Variants in GAB2 observed in about 807,000 individuals in gnomAD.
The protein encoded by GAB2 is GRB2-associated-binding protein 2.
GAB2 carries 26 observed loss-of-function variants against 65.5 expected under a neutral mutation model. That is an observed-to-expected ratio of 0.40 (90% CI 0.29 to 0.55). The LOEUF is 0.55. Ranked by LOEUF, GAB2 falls within the 20% of genes least tolerant of loss-of-function variation. The probability of loss-of-function intolerance (pLI) is 0.53; values close to 1 mark genes in which losing one functional copy is unlikely to be tolerated. For synonymous variants in GAB2, 321 were observed against 329.6 expected, an observed-to-expected ratio of 0.97 and a Z score of 0.28; for missense variants, 884 against 875.8, an observed-to-expected ratio of 1.01 and a Z score of -0.12.
chr11:78,309,218 G>A (rs1855435917), intron 1 of GAB2, among the ~76,000 whole-genome samples: 1 of 152,088 alleles, frequency 6.6e-6, no homozygotes, highest in Non-Finnish European at 1.5e-5. Flanking sequence ...GCAGACTCAA[G>A]CAATTAAAAA....
At chr11:78,273,697 G>T (rs1866082382) in intron 2 of GAB2, among the ~76,000 whole-genome samples, 1 of 152,220 alleles carries the variant, frequency 6.6e-6, no homozygotes, top group African/African-American at 2.4e-5. Context: ...GTTTTAAAAT[G>T]TGATGACATG....
At chr11:78,401,596 A>G (rs981611676) in intron 1 of GAB2, among the ~76,000 whole-genome samples, 1 of 147,396 alleles carries the variant, frequency 6.8e-6, no homozygotes, top group African/African-American at 2.5e-5. Flanking sequence ...TCTCTGTTGT[A>G]GCATGTCCAT....
At chr11:78,314,395 C>T (rs546446688) in intron 1 of GAB2, among the ~76,000 whole-genome samples, 6 of 152,318 alleles carry the variant, frequency 3.9e-5, no homozygotes, top group South Asian at 4.1e-4. Context: ...AGGAAGTAGA[C>T]GCTATTATCC....
rs574387196 is a variant in GAB2 at position 78,250,149 on chromosome 11, C to T, written c.620+8G>A. 2 of 1,611,918 alleles carry T rather than the reference C, an allele frequency of 1.2e-6. No homozygotes were observed. The highest frequency in any genetic ancestry group is 4.5e-5 in the East Asian group (2 of 44,830). ...CTAACCCACCTAATGGCTGTGGCAG[C>T]CTCCTACCTTGCATTTTCTGCTCTT... On this transcript the variant is annotated splice_region_variant and intron_variant, in intron 3 of 9. Transcript: ENST00000361507.
At chr11:78,265,530 G>T (rs764834508) in intron 2 of GAB2, among the ~76,000 whole-genome samples, 1 of 152,082 alleles carries the variant, frequency 6.6e-6, no homozygotes, top group East Asian at 1.9e-4. Context: ...TAGCCATGAA[G>T]AATTTTGTTC....
intron 1 of GAB2, among the ~76,000 whole-genome samples, chr11:78,374,471 G>T (rs1456368746): frequency 6.6e-6 from 1 of 152,028 alleles, no homozygotes. Context: ...GAAGTCCCGG[G>T]GTCTAGTCCT....
chr11:78,375,029 G>A (rs1053341403), intron 1 of GAB2, among the ~76,000 whole-genome samples: 3 of 152,158 alleles, frequency 2.0e-5, no homozygotes, highest in Non-Finnish European at 2.9e-5. Context: ...TGCAATCTTT[G>A]TATATTTCGT....
At chr11:78,304,727 C>G (rs572146588) in intron 1 of GAB2, among the ~76,000 whole-genome samples, 174 of 152,250 alleles carry the variant, frequency 1.1e-3, no homozygotes, top group African/African-American at 3.9e-3. Context: ...GTATTGTTTT[C>G]TTTGTATAAT....
At chr11:78,222,978 T>C (rs900114816) in intron 6 of GAB2, among the ~76,000 whole-genome samples, 1 of 152,156 alleles carries the variant, frequency 6.6e-6, no homozygotes, top group Non-Finnish European at 1.5e-5. Flanking sequence ...TGGAGGAAGG[T>C]AGATGCCATA....
At chr11:78,325,027 C>T (rs1025295634) in intron 1 of GAB2, among the ~76,000 whole-genome samples, 2 of 152,172 alleles carry the variant, frequency 1.3e-5, no homozygotes, top group Non-Finnish European at 2.9e-5. Context: ...TGGGAATTGG[C>T]AAACGATGCA....
chr11:78,396,271 C>T (rs530498188), intron 1 of GAB2, among the ~76,000 whole-genome samples: 3 of 152,324 alleles, frequency 2.0e-5, no homozygotes, highest in East Asian at 3.9e-4. Context: ...GACAGACAGG[C>T]ATCAAAGAAG....
chr11:78,364,184 T>A (rs745512411), intron 1 of GAB2: 32 of 152,150 alleles, frequency 2.1e-4, no homozygotes, highest in Non-Finnish European at 3.8e-4. Context: ...GGATAAAGAC[T>A]AGAACCTACA....
intron 1 of GAB2, among the ~76,000 whole-genome samples, chr11:78,356,910 C>T (rs1016638730): frequency 1.3e-5 from 2 of 152,198 alleles, no homozygotes; most frequent in Non-Finnish European, 1.5e-5. Flanking sequence ...AGGACAAATA[C>T]TGTATGATCC....
chr11:78,227,496 G>T (rs1433800368), intron 3 of GAB2, among the ~76,000 whole-genome samples: 4 of 152,074 alleles, frequency 2.6e-5, no homozygotes, highest in Non-Finnish European at 5.9e-5. Flanking sequence ...AAGTTGAAAA[G>T]AATTATTTGG....
chr11:78,298,921 CT>C (rs1220317990), intron 1 of GAB2, among the ~76,000 whole-genome samples: 4 of 152,184 alleles, frequency 2.6e-5, no homozygotes, highest in African/African-American at 9.7e-5. Flanking sequence ...TACTTCTTTG[CT>C]TTAAATTAGC....
intron 1 of GAB2, among the ~76,000 whole-genome samples, chr11:78,367,410 G>A (rs1262164989): frequency 6.6e-6 from 1 of 152,210 alleles, no homozygotes; most frequent in Admixed American, 6.5e-5. Context: ...GAAAGCATAT[G>A]CTTTGGCTTA....
intron 1 of GAB2, among the ~76,000 whole-genome samples, chr11:78,400,739 T>C (rs181394610): frequency 2.0e-5 from 3 of 151,666 alleles, no homozygotes; most frequent in East Asian, 1.9e-4. Context: ...CCCATCTCTA[T>C]TGAAAATACA....
chr11:78,388,728 GGA>G (rs1856798756), intron 1 of GAB2, among the ~76,000 whole-genome samples: 1 of 152,088 alleles, frequency 6.6e-6, no homozygotes, highest in Non-Finnish European at 1.5e-5. Flanking sequence ...TCAGAGCTAT[GGA>G]TATCCTTAGA....
intron 1 of GAB2, among the ~76,000 whole-genome samples, chr11:78,291,551 T>TTTTA: frequency 9.9e-6 from 1 of 101,148 alleles, no homozygotes. Context: ...AGACTTACTT[T>TTTTA]TTTCTTTTTC....
Sources: allele counts gnomAD v4.1 joint callset (sites outside exome capture counted in the v4.1 genomes callset), GRCh38; gene constraint gnomAD v4.1.1; transcripts MANE v1.5; gene names NCBI Gene and HGNC (gene_info 2026-07-23, HGNC 2026-07-21).